ZNF622: variants seen among roughly 807,000 people sequenced by gnomAD.
The protein encoded by ZNF622 is zinc finger protein 622.
Under a neutral mutation model 49.7 loss-of-function variants are expected in ZNF622, and 34 were observed. The ratio of observed to expected loss-of-function variants is 0.68; its 90% CI spans 0.52 to 0.91. ZNF622 has a LOEUF of 0.91. Among genes scored for constraint, ZNF622 ranks in the 40% least tolerant of loss-of-function variants. The pLI is 0.00. For synonymous variants in ZNF622, 209 were observed against 228.7 expected, an observed-to-expected ratio of 0.91 and a Z score of 0.78; for missense variants, 569 against 616.4, an observed-to-expected ratio of 0.92 and a Z score of 0.81.
intron 4 of ZNF622, among the ~76,000 whole-genome samples, chr5:16,455,119 C>G (rs192429418): frequency 6.6e-6 from 1 of 152,100 alleles, no homozygotes; most frequent in Non-Finnish European, 1.5e-5. Context: ...ACATAAGGCA[C>G]GAAAAAGCCA....
chr5:16,465,357 A>G lies in ZNF622; in HGVS notation c.309T>C (p.Asn103=). The change falls in exon 1 of 6, where the codon AAT becomes AAC. Residue 103 remains asparagine (N), a synonymous_variant. Transcript: ENST00000308683. This position sits in a 1 kb window ranked among gnomAD's most constrained non-coding sequence, Gnocchi z 6.2. ...TTTCATTCATCATCTCCACTTTCCG[A>G]TTCACTGCCTGCACGGCCTTCTTCT... The part of the protein sequence containing the change: ...ELEKKAVQAV[N]RKVEMMNEKN... The G allele has an allele frequency of 3.7e-6, 6 of 1,614,150 alleles. No homozygotes were observed. Among genetic ancestry groups the G allele is most frequent in the Non-Finnish European group, 5.1e-6 (6 of 1,180,024 alleles).
In ZNF622 at chr5:16,463,572, T is replaced by C. The variant is rs1314819463; in HGVS notation, c.796A>G (p.Lys266Glu). 1 of 1,614,222 alleles carries C rather than the reference T, an allele frequency of 6.2e-7. No individual in the cohort carries two copies. The highest frequency in any genetic ancestry group is 1.7e-5 in the Admixed American group (1 of 60,030). ...TCTTTGGTCATGTGAGCCACATTCT[T>C]CATCAGCGAGCTGGAATGATGGGAA... The part of the protein sequence containing the change: ...FCSHHSSSLM[K>E]NVAHMTKDHS... The change falls in exon 2 of 6, where the codon AAG becomes GAG. Residue 266 changes from lysine to glutamate, a missense_variant. Physicochemically the swap from Lys to Glu is moderately conservative, Grantham distance 56 (BLOSUM62 1). Coordinates refer to ENST00000308683, the MANE Select transcript of ZNF622 (RefSeq NM_033414.3). This position sits in a 1 kb window ranked among gnomAD's most constrained non-coding sequence, Gnocchi z 4.2.
rs1242460089 is a variant in ZNF622, at chr5:16,453,033, A to G, written c.1286T>C (p.Leu429Pro). Residue 429 changes from leucine (L) to proline (P), a missense_variant, in exon 5 of 6, where the codon CTG (leucine) becomes CCG (proline). Physicochemically the swap from Leu to Pro is moderately conservative, Grantham distance 98 (BLOSUM62 -3). Coordinates refer to ENST00000308683, the MANE Select transcript of ZNF622 (RefSeq NM_033414.3). ...TGTACCTGTGCTGCCAGTCCATCCC[A>G]GGGCTCTGTACTGCTGAAGTACTCG... ...VGRVLQQYRA[L>P]GWTGSTGAAL... 6.0e-6 allele frequency: 9 copies of G among 1,512,276 alleles called. No homozygotes were observed. Among genetic ancestry groups the G allele is most frequent in the Non-Finnish European group, 7.1e-6 (8 of 1,121,824 alleles). 93.7% of individuals were successfully genotyped at this position (1,512,276 alleles called of 1,614,324 possible).
In ZNF622 at chr5:16,463,776, G is replaced by A; in HGVS notation, c.626-34C>T. The stretch of plus-strand genomic sequence containing the variant: ...CAGAATTTTGAAATATAAAGTTTAA[G>A]AAAAGTAGTAGCAAGCAAAGATATC... On this transcript the variant is annotated intron_variant, in intron 1 of 5. Coordinates refer to ENST00000308683, the MANE Select transcript of ZNF622 (RefSeq NM_033414.3). The surrounding 1 kb of genome is among the most constrained non-coding windows in gnomAD (Gnocchi z 4.2). 6.2e-7 allele frequency: 1 copy of A among 1,602,394 alleles called. No homozygotes were observed. The highest frequency in any genetic ancestry group is 8.5e-7 in the Non-Finnish European group (1 of 1,173,242).
intron 1 of ZNF622, 125 bp downstream of exon 1, chr5:16,464,916 C>CCGGG: frequency 7.8e-7 from 1 of 1,283,310 alleles, no homozygotes; most frequent in Non-Finnish European, 1.1e-6. Context: ...TCTAAACCAC[C>CCGGG]TTCCCTCATC....
chr5:16,453,154 C>A lies in ZNF622; in HGVS notation c.1165G>T (p.Ala389Ser). 1.3e-6 allele frequency: 2 copies of A among 1,496,376 alleles called. No homozygotes were observed. Among genetic ancestry groups the A allele is most frequent in the South Asian group, 1.3e-5 (1 of 75,190 alleles). 92.7% of individuals were successfully genotyped at this position (1,496,376 alleles called of 1,614,324 possible). The change falls in exon 5 of 6, where the codon GCC becomes TCC. Residue 389 changes from alanine to serine, a missense_variant and splice_region_variant. Ala to Ser is a moderately conservative substitution (Grantham distance 99). Transcript: ENST00000308683. ...ATCAAGGAGCGATGACCCACTCTGG[C>A]ACCTGTTTTTCAAAAGAGCAATACT... ...ETMELILPSG[A>S]RVGHRSLMRY... is the part of the protein sequence containing the mutation.
chr5:16,455,436 T>C (rs772462093), intron 4 of ZNF622, among the ~76,000 whole-genome samples: 4 of 152,254 alleles, frequency 2.6e-5, no homozygotes, highest in Non-Finnish European at 5.9e-5. Context: ...TTTATCATCA[T>C]ACTCAAGAGA....
rs1738069941 is a variant in ZNF622 at position 16,458,579 on chromosome 5, T to C, written c.1100A>G (p.Glu367Gly). Residue 367 changes from glutamate to glycine, a missense_variant, in exon 4 of 6, where the codon GAG (glutamate) becomes GGG (glycine). By Grantham distance (98) the Glu-to-Gly change is moderately conservative (BLOSUM62 -2). Coordinates refer to ENST00000308683, the MANE Select transcript of ZNF622 (RefSeq NM_033414.3). ...KEGEDPNKAE[E>G]LPSEKNLEYD... ...TTCCAAGTTCTTTTCTGAGGGCAACTCCTCAGCCTTATTGGGGTCCTCCCC... is the reference window on the plus strand; with the variant it reads ...TTCCAAGTTCTTTTCTGAGGGCAACCCCTCAGCCTTATTGGGGTCCTCCCC... 1 of 1,613,758 alleles carries C rather than the reference T, an allele frequency of 6.2e-7. No homozygotes were observed. Among genetic ancestry groups the C allele is most frequent in the South Asian group, 1.1e-5 (1 of 91,060 alleles).
intron 3 of ZNF622, among the ~76,000 whole-genome samples, chr5:16,460,454 T>A (rs559760145): frequency 6.6e-6 from 1 of 152,224 alleles, no homozygotes; most frequent in East Asian, 1.9e-4. Flanking sequence ...TGAATCCACA[T>A]AAAATGCTTA....
Position 16,465,300 on chromosome 5 carries a change from A to G in ZNF622, c.366T>C (p.Ser122=). Residue 122 remains serine, a synonymous_variant, in exon 1 of 6, where the codon AGT becomes AGC. Coordinates refer to ENST00000308683, the MANE Select transcript of ZNF622 (RefSeq NM_033414.3). This position sits in a 1 kb window ranked among gnomAD's most constrained non-coding sequence, Gnocchi z 6.2. ...KNLEKGLGVD[S]VDKDAMNAAI... is the part of the protein sequence containing the mutation. ...CCGCGTTCATGGCATCCTTGTCCAC[A>G]CTGTCCACGCCCAGTCCTTTCTCCA... The G allele has an allele frequency of 6.2e-7, 1 of 1,614,188 alleles. No homozygotes were observed. Among genetic ancestry groups the G allele is most frequent in the Non-Finnish European group, 8.5e-7 (1 of 1,180,034 alleles).
chr5:16,456,519 ACT>A (rs1191333759), intron 4 of ZNF622, among the ~76,000 whole-genome samples: 3 of 152,074 alleles, frequency 2.0e-5, no homozygotes, highest in Admixed American at 6.6e-5. Context: ...CAGGGGAGAG[ACT>A]CTTGTTACCC....
At chr5:16,457,655 G>T (rs911273291) in intron 4 of ZNF622, among the ~76,000 whole-genome samples, 3 of 152,152 alleles carry the variant, frequency 2.0e-5, no homozygotes, top group South Asian at 2.1e-4. Context: ...ATAAGACAAG[G>T]CTGCTTCATT....
At position 16,465,737 on chromosome 5, in the gene ZNF622, A is replaced by T; in HGVS notation, c.-72T>A. The T allele has an allele frequency of 2.0e-6, 3 of 1,474,118 alleles. No homozygotes were observed. Among genetic ancestry groups the T allele is most frequent in the South Asian group, 2.8e-5 (2 of 72,322 alleles). The allele number at this position is 1,474,118 out of a possible 1,614,324, so 91.3% of individuals were successfully genotyped here. On this transcript the variant is annotated 5_prime_UTR_variant, in exon 1 of 6. Transcript: ENST00000308683. This position sits in a 1 kb window ranked among gnomAD's most constrained non-coding sequence, Gnocchi z 6.2. ...AGCGCCGTGGCCCCACAAGACCCTC[A>T]GACCTTAACCCGCCTCAGCAGCCAG...
intron 3 of ZNF622, among the ~76,000 whole-genome samples, chr5:16,459,901 A>G (rs1463959759): frequency 6.6e-6 from 1 of 152,152 alleles, no homozygotes; most frequent in Non-Finnish European, 1.5e-5. Flanking sequence ...AAGGACACAC[A>G]AGGGAAATGT....
At chr5:16,459,719 T>G (rs1367300218) in intron 3 of ZNF622, among the ~76,000 whole-genome samples, 1 of 152,138 alleles carries the variant, frequency 6.6e-6, no homozygotes, top group Non-Finnish European at 1.5e-5. Context: ...CACAGCTATA[T>G]AAAATAGTAT....
At chr5:16,462,131 G>C (rs1738129000) in intron 3 of ZNF622, among the ~76,000 whole-genome samples, 1 of 152,144 alleles carries the variant, frequency 6.6e-6, no homozygotes, top group Non-Finnish European at 1.5e-5. Flanking sequence ...CCTCCACCCA[G>C]TCATGTCCAC....
rs1430064271 is a variant in ZNF622 at position 16,465,670 on chromosome 5, A to G, written c.-5T>C. 6.4e-7 allele frequency: 1 copy of G among 1,557,740 alleles called. No individual in the cohort carries two copies. Among genetic ancestry groups the G allele is most frequent in the Non-Finnish European group, 8.7e-7 (1 of 1,153,526 alleles). On this transcript the variant is annotated 5_prime_UTR_variant, in exon 1 of 6. Coordinates refer to ENST00000308683, the MANE Select transcript of ZNF622 (RefSeq NM_033414.3). The surrounding 1 kb of genome is among the most constrained non-coding windows in gnomAD (Gnocchi z 6.2). ...TATGCAGGTGTACGTCGCCATTGCC[A>G]GGCGAGAAATAAGAACCGACCAAGC...
At chr5:16,454,782 G>A (rs560715303) in intron 4 of ZNF622, among the ~76,000 whole-genome samples, 6 of 152,320 alleles carry the variant, frequency 3.9e-5, no homozygotes, top group Admixed American at 2.6e-4. Flanking sequence ...AACAGCAGAG[G>A]TGGGAAGCTG....
At chr5:16,460,003 T>C (rs1432610912) in intron 3 of ZNF622, among the ~76,000 whole-genome samples, 1 of 152,156 alleles carries the variant, frequency 6.6e-6, no homozygotes, top group Non-Finnish European at 1.5e-5. Flanking sequence ...AGTACGGTCA[T>C]CCCTTGGTAT....
Sources: gnomAD v4.1 joint callset for allele counts (sites outside exome capture counted in the v4.1 genomes callset) on GRCh38, gnomAD v4.1.1 for gene constraint, Gnocchi (gnomAD v3.1) non-coding constraint, MANE v1.5 for transcripts, NCBI Gene and HGNC (gene_info 2026-07-23, HGNC 2026-07-21) for gene names.